SLC24A4: variants seen among roughly 807,000 people sequenced by gnomAD.
SLC24A4 encodes the protein sodium/potassium/calcium exchanger 4.
Under a neutral mutation model 79.0 loss-of-function variants are expected in SLC24A4, and 53 were observed. The observed-to-expected ratio is 0.67, with a 90% confidence interval of 0.54 to 0.84. The LOEUF is 0.84. Among genes scored for constraint, SLC24A4 ranks in the 40% least tolerant of loss-of-function variants. The pLI is 0.00. For missense variants in SLC24A4, 731 were observed against 822.0 expected, an observed-to-expected ratio of 0.89 and a Z score of 1.35; for synonymous variants, 323 against 323.8, an observed-to-expected ratio of 1.00 and a Z score of 0.03.
intron 8 of SLC24A4, 132 bp downstream of exon 8, chr14:92,445,474 A>C: frequency 9.7e-7 from 1 of 1,035,026 alleles, no homozygotes; most frequent in South Asian, 1.5e-5. Flanking sequence ...GAAAGTGAAA[A>C]AAAGATATTC....
At chr14:92,346,605 C>T (rs188593873) in intron 2 of SLC24A4, among the ~76,000 whole-genome samples, 19 of 152,258 alleles carry the variant, frequency 1.2e-4, no homozygotes, top group Admixed American at 7.8e-4. Flanking sequence ...ATTTATATTG[C>T]AGTAATAGCT....
At chr14:92,486,513 T>TTTTTG (rs932799099) in intron 13 of SLC24A4, among the ~76,000 whole-genome samples, 153 bp from the exon 14 acceptor site, 7 of 152,278 alleles carry the variant, frequency 4.6e-5, no homozygotes, top group South Asian at 2.1e-4. Context: ...GTGGGGGTTT[T>TTTTTG]TTTTGTTTTG....
At chr14:92,372,099 C>T (rs1345070412) in intron 2 of SLC24A4, among the ~76,000 whole-genome samples, 2 of 152,188 alleles carry the variant, frequency 1.3e-5, no homozygotes, top group East Asian at 1.9e-4. Flanking sequence ...GCTGCAGCAA[C>T]GAAAAACTCT....
intron 3 of SLC24A4, among the ~76,000 whole-genome samples, chr14:92,437,357 G>T (rs1325545725): frequency 4.6e-5 from 7 of 152,156 alleles, no homozygotes; most frequent in Admixed American, 1.3e-4. Context: ...TATAGGCGAG[G>T]GTTTTCCTGG....
At chr14:92,455,444 A>C (rs1299686196) in intron 11 of SLC24A4, among the ~76,000 whole-genome samples, 1 of 152,228 alleles carries the variant, frequency 6.6e-6, no homozygotes, top group Non-Finnish European at 1.5e-5. Flanking sequence ...CAAACTGCTG[A>C]CTCATGCAAC....
At chr14:92,420,456 C>T (rs886556379) in intron 2 of SLC24A4, among the ~76,000 whole-genome samples, 4 of 151,388 alleles carry the variant, frequency 2.6e-5, no homozygotes, top group South Asian at 2.1e-4. Flanking sequence ...TCCAGCCTGG[C>T]GACAGAGCGA....
Position 92,482,602 on chromosome 14 carries a change from C to A in SLC24A4, c.1256-78C>A. The A allele has an allele frequency of 5.1e-6, 7 of 1,383,658 alleles. No individual in the cohort carries two copies. The South Asian group carries it at 5.7e-5, about 11-fold the overall frequency. 85.7% of individuals were successfully genotyped at this position (1,383,658 alleles called of 1,614,324 possible). ...CTCTTATTTAGCTTGAAGACTAAATCGACAGGTAGACTGGCAGGTGTGTTA... is the reference window on the plus strand; with the variant it reads ...CTCTTATTTAGCTTGAAGACTAAATAGACAGGTAGACTGGCAGGTGTGTTA... On this transcript the variant is annotated intron_variant, in intron 12 of 16. Coordinates refer to ENST00000532405, the MANE Select transcript of SLC24A4 (RefSeq NM_153646.4).
intron 4 of SLC24A4, among the ~76,000 whole-genome samples, chr14:92,440,005 G>T (rs1317042977): frequency 6.6e-6 from 1 of 152,222 alleles, no homozygotes; most frequent in African/African-American, 2.4e-5. Flanking sequence ...AGCACCTCCT[G>T]TGTGTGGAGT....
intron 12 of SLC24A4, among the ~76,000 whole-genome samples, chr14:92,474,796 TATATATAC>T (rs199998066): frequency 0.39 from 38,784 of 99,910 alleles, 9,258 homozygotes; most frequent in Non-Finnish European, 0.43. Flanking sequence ...TGTGTGTGTA[TATATATAC>T]ATATATACAT....
At chr14:92,438,191 T>C (rs1400480106) in intron 3 of SLC24A4, among the ~76,000 whole-genome samples, 2 of 152,248 alleles carry the variant, frequency 1.3e-5, no homozygotes, top group Non-Finnish European at 1.5e-5. Flanking sequence ...CTGAACAACC[T>C]GCTATAAATC....
intron 2 of SLC24A4, among the ~76,000 whole-genome samples, chr14:92,333,116 CAG>C (rs1294370178): frequency 5.3e-5 from 8 of 152,118 alleles, no homozygotes; most frequent in Non-Finnish European, 7.3e-5. Context: ...TTTTTTTGGA[CAG>C]AGTCTCACCC....
At chr14:92,406,964 T>C (rs1890422963) in intron 2 of SLC24A4, among the ~76,000 whole-genome samples, 1 of 152,260 alleles carries the variant, frequency 6.6e-6, no homozygotes, top group Admixed American at 6.5e-5. Context: ...TCCAAACTTT[T>C]ATGCTCTGCT....
At position 92,493,589 on chromosome 14, in the gene SLC24A4, T is replaced by C. The variant is rs1895818660; in HGVS notation, c.1830T>C (p.Phe610=). ...CCATAATGATAGAGTTTAACGTCTTTACCTTCGTCAACTTGCCGATGTGCC... is the reference window on the plus strand; with the variant it reads ...CCATAATGATAGAGTTTAACGTCTTCACCTTCGTCAACTTGCCGATGTGCC... The part of the protein sequence containing the change: ...CFSIMIEFNV[F]TFVNLPMCRE... The change falls in exon 17 of 17, where the codon TTT becomes TTC. Residue 610 remains phenylalanine, a synonymous_variant. Transcript: ENST00000532405. 6.2e-7 allele frequency: 1 copy of C among 1,614,224 alleles called. No individual in the cohort carries two copies. Among genetic ancestry groups the C allele is most frequent in the Non-Finnish European group, 8.5e-7 (1 of 1,180,040 alleles).
intron 2 of SLC24A4, among the ~76,000 whole-genome samples, chr14:92,373,737 T>C (rs1360211502): frequency 6.6e-6 from 1 of 152,232 alleles, no homozygotes; most frequent in African/African-American, 2.4e-5. Context: ...CTTCACTTAG[T>C]TGTGTGTGTG....
rs113839271 is a variant in SLC24A4, at chr14:92,493,827, C to T, written c.*199C>T. ...GGCATCCTCCTCCTCCTTGGAGTTC[C>T]GCCCCTGCAAGGCTGGATTTGGGGG... On this transcript the variant is annotated 3_prime_UTR_variant, in exon 17 of 17. Coordinates refer to ENST00000532405, the MANE Select transcript of SLC24A4 (RefSeq NM_153646.4). 9.2e-5 allele frequency: 60 copies of T among 654,270 alleles called. No homozygotes were observed. The highest frequency in any genetic ancestry group is 1.5e-4 in the Non-Finnish European group (58 of 392,474). 40.5% of individuals were successfully genotyped at this position (654,270 alleles called of 1,614,324 possible).
chr14:92,425,521 C>T (rs1891517879), intron 2 of SLC24A4, among the ~76,000 whole-genome samples: 1 of 152,214 alleles, frequency 6.6e-6, no homozygotes, highest in Non-Finnish European at 1.5e-5. Flanking sequence ...TCTGACATCC[C>T]AGGCTAGTTG....
At chr14:92,439,510 G>C in intron 4 of SLC24A4, 101 bp downstream of exon 4, 1 of 1,101,192 alleles carries the variant, frequency 9.1e-7, no homozygotes, top group Admixed American at 1.7e-5. Flanking sequence ...GAGCATGCTG[G>C]TGGCAAAGAC....
At chr14:92,347,238 C>G (rs1049283700) in intron 2 of SLC24A4, among the ~76,000 whole-genome samples, 9 of 152,150 alleles carry the variant, frequency 5.9e-5, no homozygotes, top group African/African-American at 2.2e-4. Context: ...CAATCTTGAT[C>G]CCATTCAGTG....
rs1896126072 is a variant in SLC24A4, at chr14:92,500,659, G to A, written c.*7031G>A. 1 of 152,420 alleles carries A rather than the reference G, an allele frequency of 6.6e-6. No homozygotes were observed. The highest frequency in any genetic ancestry group is 2.1e-4 in the South Asian group (1 of 4,834). 9.4% of individuals were successfully genotyped at this position (152,420 alleles called of 1,614,324 possible). A position where few individuals can be genotyped will look rare whatever the true frequency, so the allele number is the denominator to read the frequency against. ...GACCTGGGGGACCTGGAGACCCTGC[G>A]GACAGAACTGTGGCTGAGCCACTGT... On this transcript the variant is annotated 3_prime_UTR_variant, in exon 17 of 17. Coordinates refer to ENST00000532405, the MANE Select transcript of SLC24A4 (RefSeq NM_153646.4).
Sources: gnomAD v4.1 joint callset for allele counts (sites outside exome capture counted in the v4.1 genomes callset) on GRCh38, gnomAD v4.1.1 for gene constraint, MANE v1.5 for transcripts, NCBI Gene and HGNC (gene_info 2026-07-23, HGNC 2026-07-21) for gene names.